Variants in HMCN2 observed in about 807,000 individuals in gnomAD.
HMCN2 encodes the protein hemicentin-2.
In HMCN2, 325 loss-of-function variants were observed where a neutral mutation model predicts 377.5. The observed-to-expected ratio is 0.86, with a 90% CI of 0.79 to 0.94. The LOEUF is 0.94. Among genes scored for constraint, HMCN2 ranks in the 40% least tolerant of loss-of-function variants. HMCN2 has a pLI of 0.00. For synonymous variants in HMCN2, 2,007 were observed against 2,046.8 expected (o/e 0.98, Z 0.53); for missense variants, 4,543 against 4,725.3 (o/e 0.96, Z 1.13).
At chr9:130,312,552 CTT>C (rs1837313679) in intron 15 of HMCN2, among the ~76,000 whole-genome samples, 1 of 32,914 alleles carries the variant, frequency 3.0e-5, no homozygotes, top group African/African-American at 1.2e-4. Flanking sequence ...TTCTTTCTTT[CTT>C]TCTTTCTTTC....
At chr9:130,413,463 A>G (rs1564871670) in intron 85 of HMCN2, among the ~76,000 whole-genome samples, 1 of 152,038 alleles carries the variant, frequency 6.6e-6, no homozygotes, top group East Asian at 1.9e-4. Context: ...TCATGCATGG[A>G]ATAGGTTTGT....
chr9:130,289,409 G>A (rs2131293803), intron 4 of HMCN2, among the ~76,000 whole-genome samples: 2 of 152,240 alleles, frequency 1.3e-5, no homozygotes, highest in Non-Finnish European at 1.5e-5. Context: ...ATCAGCAGGG[G>A]CCCAGAGATG....
intron 36 of HMCN2, among the ~76,000 whole-genome samples, chr9:130,358,902 C>T (rs1840201156): frequency 6.6e-6 from 1 of 152,206 alleles, no homozygotes; most frequent in Non-Finnish European, 1.5e-5. Flanking sequence ...TCTCGATCTC[C>T]TGACCTCGTG....
intron 62 of HMCN2, among the ~76,000 whole-genome samples, chr9:130,389,700 GAGT>G (rs1842206809): frequency 6.6e-6 from 1 of 151,650 alleles, no homozygotes. Context: ...TCAGCCTCCC[GAGT>G]AGCTGGGATT....
intron 22 of HMCN2, among the ~76,000 whole-genome samples, chr9:130,334,838 C>T (rs1838656099): frequency 6.9e-6 from 1 of 144,900 alleles, no homozygotes; most frequent in South Asian, 2.3e-4. Flanking sequence ...TCTCTCCCTC[C>T]CTCCCTCCCT....
At position 130,403,007 on chromosome 9, in the gene HMCN2, C is replaced by T. The variant is rs1477200063; in HGVS notation, c.11878+111C>T. Reference sequence around the variant, plus strand: ...GTGAGGCCCCGGGTCTCAGAGGCCCCGACCTGTCTCCCATGGGATTCTTTG... The same window carrying T: ...GTGAGGCCCCGGGTCTCAGAGGCCCTGACCTGTCTCCCATGGGATTCTTTG... On this transcript the variant is annotated intron_variant, in intron 78 of 97. Coordinates refer to ENST00000683500, the MANE Select transcript of HMCN2 (RefSeq NM_001291815.2). 1.4e-5 allele frequency: 14 copies of T among 1,013,528 alleles called. 1 individual carries two copies. Among genetic ancestry groups the T allele is most frequent in the South Asian group, 8.8e-5 (6 of 67,836 alleles). The allele number at this position is 1,013,528 out of a possible 1,614,324, so 62.8% of individuals were successfully genotyped here.
intron 15 of HMCN2, among the ~76,000 whole-genome samples, chr9:130,314,830 G>T (rs1038277375): frequency 8.2e-4 from 125 of 152,290 alleles, no homozygotes; most frequent in African/African-American, 2.9e-3. Context: ...CAGGACCAAG[G>T]TGAAAATAGA....
Position 130,404,850 on chromosome 9 carries a change from G to A in HMCN2, c.12149-19G>A. The A allele has an allele frequency of 8.2e-7, 1 of 1,219,988 alleles. No individual in the cohort carries two copies. Among genetic ancestry groups the A allele is most frequent in the African/African-American group, 1.6e-5 (1 of 63,740 alleles). 75.6% of individuals were successfully genotyped at this position (1,219,988 alleles called of 1,614,324 possible). A position where few individuals can be genotyped will look rare whatever the true frequency, so the allele number is the denominator to read the frequency against. Reference sequence around the variant, plus strand: ...CCTCCCTGAGCCCCGGTTCCGAGTGGGCCTCCCTCTGCCCGCAGTCCCACC... The same window carrying A: ...CCTCCCTGAGCCCCGGTTCCGAGTGAGCCTCCCTCTGCCCGCAGTCCCACC... On this transcript the variant is annotated intron_variant, in intron 80 of 97. Coordinates refer to ENST00000683500, the MANE Select transcript of HMCN2 (RefSeq NM_001291815.2).
intron 1 of HMCN2, among the ~76,000 whole-genome samples, chr9:130,273,740 C>T (rs1316440367): frequency 2.0e-5 from 3 of 152,072 alleles, no homozygotes; most frequent in Non-Finnish European, 4.4e-5. Flanking sequence ...TCAGGTGATT[C>T]GCCTGCCTCA....
rs1268237435 is a variant in HMCN2, at chr9:130,348,380, C to T, written c.4025-165C>T. 10 of 930,060 alleles carry T rather than the reference C, an allele frequency of 1.1e-5. No homozygotes were observed. The East Asian group carries it at 3.5e-4, about 33-fold the overall frequency. 57.6% of individuals were successfully genotyped at this position (930,060 alleles called of 1,614,324 possible). On this transcript the variant is annotated intron_variant, in intron 26 of 97. Coordinates refer to ENST00000683500, the MANE Select transcript of HMCN2 (RefSeq NM_001291815.2). ...TGTGGGTCCCAGGGCAAGGCTGCTG[C>T]GGCCATCTGCAGGTCCACAGGACCC...
At position 130,423,234 on chromosome 9, in the gene HMCN2, G is replaced by A. The variant is rs536805776; in HGVS notation, c.13381+508G>A. 4.6e-5 allele frequency among the ~76,000 whole-genome samples: 7 copies of A among 152,288 alleles called. No homozygotes were observed. The highest frequency in any genetic ancestry group is 1.7e-4 in the African/African-American group (7 of 41,554). On this transcript the variant is annotated intron_variant, in intron 87 of 97. Coordinates refer to ENST00000683500, the MANE Select transcript of HMCN2 (RefSeq NM_001291815.2). The surrounding 1 kb of genome is among the most constrained non-coding windows in gnomAD (Gnocchi z 5.5). ...GAGCTCTCATGTACGGTGTCTGAGC[G>A]ATGAATGCTCTGAGAGACTTGCAGA... is the stretch of plus-strand genomic sequence containing the variant.
chr9:130,384,283 TG>T, intron 57 of HMCN2, 89 bp from the exon 58 acceptor site: 1 of 1,089,788 alleles, frequency 9.2e-7, no homozygotes, highest in Non-Finnish European at 1.2e-6. Flanking sequence ...CCCCAGGAGC[TG>T]GGTGAGGCTC....
At chr9:130,307,807 T>C (rs1836968321) in intron 14 of HMCN2, among the ~76,000 whole-genome samples, 1 of 152,184 alleles carries the variant, frequency 6.6e-6, no homozygotes, top group Non-Finnish European at 1.5e-5. Flanking sequence ...CAGATTTGAA[T>C]TCCGGCTTCC....
rs1554936651 is a variant in HMCN2, at chr9:130,306,194, A to G, written c.1882A>G (p.Ser628Gly). The G allele has an allele frequency of 2.1e-6, 1 of 471,110 alleles. No individual in the cohort carries two copies. The allele number at this position is 471,110 out of a possible 1,614,324, so 29.2% of individuals were successfully genotyped here. The stretch of plus-strand genomic sequence containing the variant: ...CTCCCAAGGTGTGGAGGTGAAGGTC[A>G]GCTGCTCAGCCTCTGGATACCCCAC... ...HFSQGVEVKVSCSASGYPTPH... is the reference protein window; with the variant it reads ...HFSQGVEVKVGCSASGYPTPH... The change falls in exon 12 of 98, where the codon AGC becomes GGC. Residue 628 changes from serine to glycine, a missense_variant. Ser to Gly is a moderately conservative substitution (Grantham distance 56). Coordinates refer to ENST00000683500, the MANE Select transcript of HMCN2 (RefSeq NM_001291815.2).
In HMCN2 at chr9:130,333,553, C is replaced by T. The variant is rs1024368746; in HGVS notation, c.3360-4341C>T. Among the ~76,000 whole-genome samples, 7 of 152,184 alleles carry T rather than the reference C, an allele frequency of 4.6e-5. No homozygotes were observed. The South Asian group carries it at 1.0e-3, about 23-fold the overall frequency. ...TCAAACCTCTCCACTCTCATCTGGG[C>T]GCTGCGTGGAGCCATCTGGCCGTGC... On this transcript the variant is annotated intron_variant, in intron 22 of 97. Coordinates refer to ENST00000683500, the MANE Select transcript of HMCN2 (RefSeq NM_001291815.2).
chr9:130,408,363 A>C (rs189836718), intron 83 of HMCN2, among the ~76,000 whole-genome samples: 109 of 152,198 alleles, frequency 7.2e-4, no homozygotes, highest in Admixed American at 2.5e-3. Flanking sequence ...TTTTATAGTT[A>C]TTGATTTCCA....
chr9:130,362,671 G>A (rs976693918), intron 39 of HMCN2, among the ~76,000 whole-genome samples, 196 bp from the exon 40 acceptor site: 1 of 152,256 alleles, frequency 6.6e-6, no homozygotes, highest in Non-Finnish European at 1.5e-5. Flanking sequence ...GAGGTCCAGT[G>A]TCATTGCCAG....
chr9:130,356,236 G>T lies in HMCN2; in HGVS notation c.5404G>T (p.Glu1802Ter). The change falls in exon 34 of 98, where the codon GAG becomes TAG. Residue 1802 changes from glutamate (E) to a stop codon, truncating the protein, a stop_gained. Transcript: ENST00000683500. LOFTEE classifies it high-confidence loss of function. ...CAATGAGGCGGGCACTGCCGGGGCC[G>T]AGGTGGAGGTGTCTGTGCATGGTGA... ...ATNEAGTAGA[E>*]VEVSVHEFPS... The T allele has an allele frequency of 7.7e-7, 1 of 1,300,034 alleles. No homozygotes were observed. Among genetic ancestry groups the T allele is most frequent in the Non-Finnish European group, 1.0e-6 (1 of 987,856 alleles). 80.5% of individuals were successfully genotyped at this position (1,300,034 alleles called of 1,614,324 possible). A position where few individuals can be genotyped will look rare whatever the true frequency, so the allele number is the denominator to read the frequency against.
chr9:130,376,982 A>G (rs1407469861), intron 52 of HMCN2, among the ~76,000 whole-genome samples: 1 of 151,560 alleles, frequency 6.6e-6, no homozygotes. Context: ...AATTTTTGGT[A>G]GAGATGGGGT....
Sources: allele counts gnomAD v4.1 joint callset (sites outside exome capture counted in the v4.1 genomes callset), GRCh38; gene constraint gnomAD v4.1.1; non-coding constraint Gnocchi (gnomAD v3.1); transcripts MANE v1.5; gene names NCBI Gene and HGNC (gene_info 2026-07-23, HGNC 2026-07-21).